The following TRPM1 variants were observed in gnomAD, a reference collection of about 807,000 sequenced individuals.
The protein encoded by TRPM1 is transient receptor potential cation channel subfamily M member 1, also known as TRPM1-203 APA Isoform, Intron 10.
In TRPM1, 113 loss-of-function variants were observed where a neutral mutation model predicts 149.4. The ratio of observed to expected loss-of-function variants is 0.76; its 90% CI spans 0.65 to 0.88. The LOEUF (loss-of-function observed/expected upper bound fraction) is 0.88. Among genes scored for constraint, TRPM1 ranks in the 40% least tolerant of loss-of-function variants. The pLI is 0.00. For synonymous variants in TRPM1, 741 were observed against 759.5 expected (o/e 0.98, Z 0.40); for missense variants, 1,976 against 2,038.7 (o/e 0.97, Z 0.59).
intron 1 of TRPM1, among the ~76,000 whole-genome samples, chr15:31,145,516 T>A (rs184420074): frequency 6.3e-4 from 96 of 152,320 alleles, no homozygotes; most frequent in Non-Finnish European, 1.2e-3. Context: ...GTCCACCTAG[T>A]GGGTAACTTC....
intron 1 of TRPM1, among the ~76,000 whole-genome samples, chr15:31,132,231 A>C (rs567045583): frequency 1.3e-5 from 2 of 152,294 alleles, no homozygotes; most frequent in African/African-American, 4.8e-5. Context: ...TGACCCCAAA[A>C]GCAGCTCCTC....
intron 1 of TRPM1, among the ~76,000 whole-genome samples, chr15:31,149,622 C>T (rs1179106200): frequency 2.0e-5 from 3 of 151,466 alleles, no homozygotes; most frequent in Non-Finnish European, 4.4e-5. Context: ...CGGGTTCACG[C>T]CATTCTCCTG....
At chr15:31,156,525 T>C (rs1449070047) in intron 1 of TRPM1, among the ~76,000 whole-genome samples, 5 of 152,222 alleles carry the variant, frequency 3.3e-5, no homozygotes, top group Non-Finnish European at 7.3e-5. Flanking sequence ...TTCTATTGAT[T>C]CCAGGTTTTT....
At chr15:31,079,980 G>A (rs1248733697) in intron 2 of TRPM1, among the ~76,000 whole-genome samples, 1 of 152,170 alleles carries the variant, frequency 6.6e-6, no homozygotes, top group Non-Finnish European at 1.5e-5. Context: ...GGGGCTCCCA[G>A]TGGCTTTCTC....
At chr15:31,043,591 T>G (rs916224181) in intron 16 of TRPM1, among the ~76,000 whole-genome samples, 15 of 152,208 alleles carry the variant, frequency 9.9e-5, no homozygotes, top group Admixed American at 8.5e-4. Flanking sequence ...TGTTCTAATT[T>G]TCTAATTTTG....
intron 11 of TRPM1, among the ~76,000 whole-genome samples, chr15:31,053,718 G>A (rs1181377382): frequency 3.3e-5 from 5 of 152,172 alleles, no homozygotes; most frequent in African/African-American, 9.7e-5. Flanking sequence ...TAGGATTACC[G>A]TGTGATCAAT....
chr15:31,081,400 C>T lies in TRPM1; in HGVS notation c.-45G>A. 6.5e-7 allele frequency: 1 copy of T among 1,535,090 alleles called. No homozygotes were observed. On this transcript the variant is annotated 5_prime_UTR_variant, in exon 2 of 28. In the 5' UTR this introduces an upstream ATG that the reference lacks. Transcript: ENST00000256552. ...ATAAGGAAATAGCCTCAGTCCAGCA[C>T]TGCAAGTTACTGCTGAGTCCTCAGA...
intron 7 of TRPM1, 53 bp from the exon 8 acceptor site, chr15:31,063,345 C>T: frequency 6.2e-7 from 1 of 1,612,370 alleles, no homozygotes; most frequent in South Asian, 1.1e-5. Context: ...ACTGTCCACC[C>T]AGTCGTTTTA....
intron 1 of TRPM1, among the ~76,000 whole-genome samples, chr15:31,143,848 T>C (rs2036190136): frequency 1.3e-5 from 2 of 152,226 alleles, no homozygotes; most frequent in African/African-American, 4.8e-5. Flanking sequence ...TGATACTTCC[T>C]AAATTCAGAA....
intron 27 of TRPM1, among the ~76,000 whole-genome samples, chr15:31,005,634 C>T (rs2031962623): frequency 6.6e-6 from 1 of 152,190 alleles, no homozygotes; most frequent in South Asian, 2.1e-4. Flanking sequence ...TGAACAGCTA[C>T]AACGTGGATA....
chr15:31,131,441 GA>G (rs1174849644), intron 1 of TRPM1, among the ~76,000 whole-genome samples: 38 of 151,238 alleles, frequency 2.5e-4, no homozygotes, highest in Non-Finnish European at 8.9e-5. Flanking sequence ...TATGAAGAAG[GA>G]AAAAAAAATG....
At chr15:31,029,926 G>T (rs935156211) in intron 23 of TRPM1, among the ~76,000 whole-genome samples, 2 of 151,844 alleles carry the variant, frequency 1.3e-5, no homozygotes, top group Admixed American at 1.3e-4. Flanking sequence ...AAATACTACA[G>T]TTTATGCCTG....
At chr15:31,079,497 G>A (rs538163426) in intron 2 of TRPM1, among the ~76,000 whole-genome samples, 1 of 152,330 alleles carries the variant, frequency 6.6e-6, no homozygotes, top group Admixed American at 6.5e-5. Context: ...AGGGGCAGCT[G>A]ACCACCCTCT....
chr15:31,064,504 C>A (rs1199198290), intron 7 of TRPM1, among the ~76,000 whole-genome samples: 2 of 152,176 alleles, frequency 1.3e-5, no homozygotes, highest in Non-Finnish European at 2.9e-5. Flanking sequence ...GGCACATTTG[C>A]CTACTTCCTA....
intron 1 of TRPM1, among the ~76,000 whole-genome samples, chr15:31,087,503 C>T (rs1173805911): frequency 6.6e-6 from 1 of 151,944 alleles, no homozygotes; most frequent in Admixed American, 6.6e-5. Flanking sequence ...ATCTGCCTGC[C>T]TCAGCCTCCC....
intron 27 of TRPM1, among the ~76,000 whole-genome samples, chr15:31,011,136 C>T (rs2032169868): frequency 6.6e-6 from 1 of 152,096 alleles, no homozygotes; most frequent in Admixed American, 6.5e-5. Context: ...ATGTCTTTAT[C>T]CATCCTTTTA....
At chr15:31,072,176 T>G (rs1321082613) in intron 3 of TRPM1, among the ~76,000 whole-genome samples, 1 of 151,748 alleles carries the variant, frequency 6.6e-6, no homozygotes, top group Non-Finnish European at 1.5e-5. Flanking sequence ...CTCACCACCA[T>G]CTATCTACCT....
rs144371215 is a variant in TRPM1 at position 31,049,282 on chromosome 15, G to T, written c.1572+93C>A. The T allele has an allele frequency of 9.9e-4, 1,569 of 1,582,772 alleles. 17 individuals are homozygous for T. The highest frequency in any genetic ancestry group is 1.1e-4 in the Non-Finnish European group (123 of 1,156,958). On this transcript the variant is annotated intron_variant, in intron 13 of 27. Transcript: ENST00000256552. ...AGTACGGACCTCCCAGCTGAAGGAG[G>T]TCAGATGAGCACATTTATGCACAAT...
chr15:31,050,942 G>T (rs1179638563), intron 11 of TRPM1, among the ~76,000 whole-genome samples: 1 of 152,208 alleles, frequency 6.6e-6, no homozygotes, highest in Non-Finnish European at 1.5e-5. Context: ...TGGAGGAAAG[G>T]ATGCTGAAAG....
Sources: allele counts gnomAD v4.1 joint callset (sites outside exome capture counted in the v4.1 genomes callset), GRCh38; gene constraint gnomAD v4.1.1; transcripts MANE v1.5; gene names NCBI Gene and HGNC (gene_info 2026-07-23, HGNC 2026-07-21).